BAZ2B: variants seen among roughly 807,000 people sequenced by gnomAD.
BAZ2B encodes the protein bromodomain adjacent to zinc finger domain protein 2B.
BAZ2B carries 91 observed loss-of-function variants against 246.0 expected under a neutral mutation model. The observed-to-expected ratio is 0.37, with a 90% CI of 0.31 to 0.44. BAZ2B has a LOEUF of 0.44. Ranked by LOEUF, BAZ2B falls within the 20% of genes least tolerant of loss-of-function variation. BAZ2B has a pLI of 1.00. For synonymous variants in BAZ2B, 855 were observed against 860.0 expected (o/e 0.99, Z 0.10); for missense variants, 2,332 against 2,533.7 (o/e 0.92, Z 1.71).
chr2:159,571,162 CT>C (rs2151565337), intron 1 of BAZ2B, among the ~76,000 whole-genome samples: 1 of 152,246 alleles, frequency 6.6e-6, no homozygotes, highest in Admixed American at 6.5e-5. Flanking sequence ...CCAGGATTTT[CT>C]TTTTATCAAT....
rs370903069 is a variant in BAZ2B at position 159,613,700 on chromosome 2, T to C, written c.-46+2542A>G. Reference sequence around the variant, plus strand: ...TCTTAAACTGCTTATCCTCTGTTGCTTGCCATTTATAATCTGCCAAATCTT... The same window carrying C: ...TCTTAAACTGCTTATCCTCTGTTGCCTGCCATTTATAATCTGCCAAATCTT... On this transcript the variant is annotated intron_variant, in intron 1 of 36. Coordinates refer to ENST00000392783, the MANE Select transcript of BAZ2B (RefSeq NM_013450.4). Among the ~76,000 whole-genome samples the C allele has an allele frequency of 1.3e-5, 2 of 152,298 alleles. 1 individual carries two copies. Among genetic ancestry groups the C allele is most frequent in the South Asian group, 4.1e-4 (2 of 4,834 alleles).
chr2:159,406,181 G>T (rs1432561378), intron 14 of BAZ2B, among the ~76,000 whole-genome samples: 2 of 152,138 alleles, frequency 1.3e-5, no homozygotes, highest in African/African-American at 4.8e-5. Context: ...ATTTTCCATG[G>T]CTAAGAGGAT....
chr2:159,581,412 T>C (rs2151634157), intron 1 of BAZ2B, among the ~76,000 whole-genome samples: 1 of 152,180 alleles, frequency 6.6e-6, no homozygotes, highest in East Asian at 1.9e-4. Flanking sequence ...CATTAAAAAG[T>C]CAGGAAACAA....
chr2:159,641,910 G>T, the BAZ2B span, among the ~76,000 whole-genome samples: 1 of 152,038 alleles, frequency 6.6e-6, no homozygotes, highest in South Asian at 2.1e-4. Flanking sequence ...GTATCACAAT[G>T]TTTGCACATT....
At chr2:159,519,762 T>C (rs1215039667) in intron 2 of BAZ2B, among the ~76,000 whole-genome samples, 2 of 52,712 alleles carry the variant, frequency 3.8e-5, no homozygotes, top group African/African-American at 1.2e-4. Context: ...AAGCTCCGCC[T>C]CCCGGGTTCA....
the BAZ2B span, among the ~76,000 whole-genome samples, chr2:159,679,035 G>A: frequency 5.3e-5 from 8 of 152,284 alleles, no homozygotes; most frequent in African/African-American, 1.9e-4. Context: ...CACTTTGGGA[G>A]GCCGAGGCGG....
At chr2:159,377,859 T>A (rs947758648) in intron 25 of BAZ2B, among the ~76,000 whole-genome samples, 4 of 148,364 alleles carry the variant, frequency 2.7e-5, no homozygotes, top group Non-Finnish European at 6.0e-5. Context: ...AAATGACACA[T>A]CTCCTTTAAA....
At chr2:159,397,139 T>C (rs1327357803) in intron 19 of BAZ2B, 1 of 1,477,866 alleles carries the variant, frequency 6.8e-7, no homozygotes, top group African/African-American at 1.4e-5. Flanking sequence ...GAAACAGAAA[T>C]CACAGAGTCA....
intron 8 of BAZ2B, among the ~76,000 whole-genome samples, chr2:159,436,129 T>G (rs948798559): frequency 6.6e-6 from 1 of 152,176 alleles, no homozygotes; most frequent in African/African-American, 2.4e-5. Flanking sequence ...AGAACATAAT[T>G]ATGTCATGTA....
rs534809992 is a variant in BAZ2B, at chr2:159,503,882, A to G, written c.-2-25161T>C. On this transcript the variant is annotated intron_variant, in intron 2 of 36. Transcript: ENST00000392783. ...AGGTGTGAGCCACCGCGCCTGGCCG[A>G]TATCTGGCTTCTTCTGGCAAATCAG... Among the ~76,000 whole-genome samples the G allele has an allele frequency of 1.1e-4, 17 of 152,244 alleles. 1 individual carries two copies. The South Asian group carries it at 3.3e-3, about 30-fold the overall frequency.
intron 35 of BAZ2B, 152 bp from the exon 36 acceptor site, chr2:159,325,106 A>G: frequency 3.0e-4 from 1 of 3,344 alleles, no homozygotes; most frequent in Non-Finnish European, 6.9e-4. Flanking sequence ...ATATATATAT[A>G]TATATATATT....
At chr2:159,609,633 G>A (rs530912339) in intron 1 of BAZ2B, among the ~76,000 whole-genome samples, 33 of 152,202 alleles carry the variant, frequency 2.2e-4, no homozygotes, top group African/African-American at 5.3e-4. Context: ...GATTCTGGCC[G>A]TGACAGGTAG....
At chr2:159,683,014 G>C in the BAZ2B span, among the ~76,000 whole-genome samples, 13 of 149,652 alleles carry the variant, frequency 8.7e-5, no homozygotes. Context: ...GGCTAACTGT[G>C]TAAGAATTCG....
At chr2:159,708,466 T>C in the BAZ2B span, among the ~76,000 whole-genome samples, 1 of 152,172 alleles carries the variant, frequency 6.6e-6, no homozygotes, top group African/African-American at 2.4e-5. Flanking sequence ...CAGTGAGATC[T>C]AGCCTGTAAG....
the BAZ2B span, among the ~76,000 whole-genome samples, chr2:159,637,007 C>A: frequency 6.6e-6 from 1 of 152,302 alleles, no homozygotes; most frequent in South Asian, 2.1e-4. Flanking sequence ...CACCTGCTGA[C>A]TAAAGAGTCC....
At chr2:159,411,802 C>T (rs1003495237) in intron 14 of BAZ2B, 69 of 313,304 alleles carry the variant, frequency 2.2e-4, no homozygotes, top group Non-Finnish European at 3.2e-4. Context: ...TTCTGGTTAT[C>T]TTAAAGTACT....
At chr2:159,316,708 A>G (rs1003670795), downstream of BAZ2B, among the ~76,000 whole-genome samples, 1 of 150,082 alleles carries the variant, frequency 6.7e-6, no homozygotes, top group African/African-American at 2.4e-5. Context: ...AAAAAAAAAA[A>G]AAAAAAAAAG....
At position 159,320,250 on chromosome 2, in the gene BAZ2B, G is replaced by T; in HGVS notation, c.*15C>A. 6.6e-7 allele frequency: 1 copy of T among 1,516,176 alleles called. No homozygotes were observed. The highest frequency in any genetic ancestry group is 1.4e-5 in the African/African-American group (1 of 69,032). 93.9% of individuals were successfully genotyped at this position (1,516,176 alleles called of 1,614,324 possible). On this transcript the variant is annotated 3_prime_UTR_variant, in exon 37 of 37. Coordinates refer to ENST00000392783, the MANE Select transcript of BAZ2B (RefSeq NM_013450.4). ...CCTTGTTTAGAAGGAAAAAAATAAA[G>T]AGATTATTATAACTTCAGCTCACTT...
intron 9 of BAZ2B, among the ~76,000 whole-genome samples, chr2:159,431,572 T>C (rs555511592): frequency 1.3e-5 from 2 of 152,268 alleles, no homozygotes; most frequent in South Asian, 2.1e-4. Flanking sequence ...ATACTTCCAT[T>C]TGGGCTTTGG....
Sources: allele counts gnomAD v4.1 joint callset (sites outside exome capture counted in the v4.1 genomes callset), GRCh38; gene constraint gnomAD v4.1.1; transcripts MANE v1.5; gene names NCBI Gene and HGNC (gene_info 2026-07-23, HGNC 2026-07-21).